FNBP4: variants seen among roughly 807,000 people sequenced by gnomAD.
FNBP4 encodes formin binding protein 4, also known as formin-binding protein 4.
In FNBP4, 34 loss-of-function variants were observed where a neutral mutation model predicts 119.3. The observed-to-expected ratio is 0.28, with a 90% CI of 0.22 to 0.38. The LOEUF is 0.38. Ranked by LOEUF, FNBP4 falls within the 10% of genes least tolerant of loss-of-function variation. FNBP4 has a pLI of 1.00. For synonymous variants in FNBP4, 462 were observed against 430.6 expected, an observed-to-expected ratio of 1.07 and a Z score of -0.90; for missense variants, 1,112 against 1,228.9, an observed-to-expected ratio of 0.90 and a Z score of 1.42.
At chr11:47,758,995 T>TG (rs1360336804) in intron 2 of FNBP4, among the ~76,000 whole-genome samples, 5 of 150,724 alleles carry the variant, frequency 3.3e-5, no homozygotes, top group African/African-American at 4.9e-5. Flanking sequence ...CTCAGCTCAG[T>TG]GCAACCTCCG....
At chr11:47,766,774 C>T (rs1174783853) in intron 1 of FNBP4, among the ~76,000 whole-genome samples, 1 of 152,256 alleles carries the variant, frequency 6.6e-6, no homozygotes, top group African/African-American at 2.4e-5. Flanking sequence ...TACCCAAAAC[C>T]GACCCGGGGC....
Position 47,724,680 on chromosome 11 carries a change from G to A in FNBP4, c.2107C>T (p.Leu703Phe). The change falls in exon 13 of 17, where the codon CTT (leucine) becomes TTT (phenylalanine). Residue 703 changes from leucine to phenylalanine, a missense_variant. By Grantham distance (22) the Leu-to-Phe change is conservative (BLOSUM62 0). This residue lies in a region of FNBP4 where 826 missense variants were observed against 988.8 expected (regional missense o/e 0.84). Coordinates refer to ENST00000263773, the MANE Select transcript of FNBP4 (RefSeq NM_015308.5). ...ATTTCCAAGGGTAATGGAGGTTGAA[G>A]CACAGGAACATTTGACTGAAGGAGG... ...WTLLQSNVPV[L>F]QPPLPLEMPP... is the part of the protein sequence containing the mutation. The A allele has an allele frequency of 1.2e-6, 2 of 1,614,072 alleles. No individual in the cohort carries two copies. The highest frequency in any genetic ancestry group is 1.7e-6 in the Non-Finnish European group (2 of 1,179,984).
At chr11:47,758,655 A>G (rs2135267172) in intron 2 of FNBP4, among the ~76,000 whole-genome samples, 1 of 151,982 alleles carries the variant, frequency 6.6e-6, no homozygotes, top group East Asian at 2.0e-4. Flanking sequence ...ACGAGGTCAG[A>G]TCAAGACTAT....
intron 2 of FNBP4, among the ~76,000 whole-genome samples, chr11:47,756,268 A>G (rs565664040): frequency 6.6e-6 from 1 of 152,328 alleles, no homozygotes; most frequent in Non-Finnish European, 1.5e-5. Flanking sequence ...TGTATTATAA[A>G]CACATAAAAT....
rs2097603402 is a variant in FNBP4, at chr11:47,751,346, T to C, written c.638-56A>G. On this transcript the variant is annotated intron_variant, in intron 4 of 16. Transcript: ENST00000263773. ...TCCCTCTACAATTCTGGCTTACATA[T>C]AAGCTCAAAAGCCAAAATCACCTAA... 4 of 1,600,526 alleles carry C rather than the reference T, an allele frequency of 2.5e-6. No homozygotes were observed. In the Admixed American group the frequency reaches 5.1e-5, roughly 20 times the overall value.
intron 12 of FNBP4, among the ~76,000 whole-genome samples, chr11:47,730,506 T>G (rs182718457): frequency 5.9e-5 from 9 of 152,342 alleles, no homozygotes; most frequent in Admixed American, 5.2e-4. Context: ...AGGGAGCCAG[T>G]AGAGTACAAG....
rs2097586015 is a variant in FNBP4, at chr11:47,744,093, T to G, written c.1316A>C (p.Gln439Pro). The G allele has an allele frequency of 6.2e-7, 1 of 1,614,038 alleles. No homozygotes were observed. Among genetic ancestry groups the G allele is most frequent in the Non-Finnish European group, 8.5e-7 (1 of 1,180,022 alleles). The change falls in exon 8 of 17, where the codon CAG becomes CCG. Residue 439 changes from glutamine to proline, a missense_variant. Physicochemically the swap from Gln to Pro is moderately conservative, Grantham distance 76. Transcript: ENST00000263773. ...SGSSPRSDISQPASQDGMRRL... is the reference protein window; with the variant it reads ...SGSSPRSDISPPASQDGMRRL... ...ACGCATTCCATCTTGAGATGCTGGC[T>G]GGCTGATATCAGAACGTGGACTAGA... is the stretch of plus-strand genomic sequence containing the variant.
At position 47,751,289 on chromosome 11, in the gene FNBP4, G is replaced by C; in HGVS notation, c.639C>G (p.Val213=). ...CCTGCCAATCGCCCATCTCAATTCC[G>C]ACTAGAAGATAAAACAAATTTTAAG... ...QYDTQCSLAG[V]GIEMGDWQEV... The change falls in exon 5 of 17, where the codon GTC becomes GTG. Residue 213 remains valine, a splice_region_variant and synonymous_variant. Transcript: ENST00000263773. The C allele has an allele frequency of 1.2e-6, 2 of 1,613,696 alleles. No homozygotes were observed. The highest frequency in any genetic ancestry group is 1.7e-6 in the Non-Finnish European group (2 of 1,179,886).
chr11:47,719,919 T>C lies in FNBP4; in HGVS notation c.2963+10A>G. 1 of 1,613,388 alleles carries C rather than the reference T, an allele frequency of 6.2e-7. No homozygotes were observed. Among genetic ancestry groups the C allele is most frequent in the Non-Finnish European group, 8.5e-7 (1 of 1,179,684 alleles). On this transcript the variant is annotated intron_variant, in intron 16 of 16. Coordinates refer to ENST00000263773, the MANE Select transcript of FNBP4 (RefSeq NM_015308.5). The stretch of plus-strand genomic sequence containing the variant: ...AAACCCCATCTCATCTGTGTTTCCT[T>C]TTCTTTTACCTAACCAGCTGCTGCT...
At chr11:47,729,624 C>A in intron 12 of FNBP4, 1 of 948,540 alleles carries the variant, frequency 1.1e-6, no homozygotes, top group Non-Finnish European at 1.3e-6. Flanking sequence ...ATCTTCCCAC[C>A]TCAACCTCCC....
intron 6 of FNBP4, 22 bp downstream of exon 6, chr11:47,750,894 T>C (rs760953564): frequency 5.0e-6 from 8 of 1,612,310 alleles, no homozygotes; most frequent in Non-Finnish European, 6.8e-6. Flanking sequence ...AATAAACAAA[T>C]GAGGTAAGTT....
intron 1 of FNBP4, 45 bp downstream of exon 1, chr11:47,767,024 C>T (rs938117424): frequency 5.3e-6 from 8 of 1,509,794 alleles, no homozygotes; most frequent in South Asian, 1.2e-5. Context: ...GGAGCCTAGG[C>T]CGCAAGCCCT....
chr11:47,743,902 C>G, intron 8 of FNBP4, 51 bp downstream of exon 8: 1,685 of 1,285,072 alleles, frequency 1.3e-3, no homozygotes, highest in Non-Finnish European at 1.7e-3. Context: ...CAAGAGTTTC[C>G]TTCCCCTCTA....
At chr11:47,725,929 A>C (rs2097560458) in intron 12 of FNBP4, 1 of 292,688 alleles carries the variant, frequency 3.4e-6, no homozygotes, top group Non-Finnish European at 5.1e-6. Context: ...GCAGGAACTA[A>C]CTTGCCCAAG....
intron 12 of FNBP4, among the ~76,000 whole-genome samples, chr11:47,731,007 A>AT (rs771472982): frequency 2.7e-4 from 41 of 152,348 alleles, no homozygotes; most frequent in Non-Finnish European, 5.0e-4. Context: ...TTGTATAGAA[A>AT]TGTATAACAA....
chr11:47,766,126 C>A (rs547769166), intron 1 of FNBP4, among the ~76,000 whole-genome samples: 1 of 151,844 alleles, frequency 6.6e-6, no homozygotes, highest in African/African-American at 2.4e-5. Flanking sequence ...GAGACCAGCC[C>A]GGGAAACATG....
intron 16 of FNBP4, among the ~76,000 whole-genome samples, chr11:47,719,576 ATGTGTGTGTGTGTG>A (rs66711141): frequency 0.12 from 17,026 of 147,766 alleles, 1,025 homozygotes; most frequent in Non-Finnish European, 0.14. Context: ...TTATGTGTGT[ATGTGTGTGTGTGTG>A]TGTGTGTGTG....
At chr11:47,738,585 T>A (rs550592234) in intron 8 of FNBP4, among the ~76,000 whole-genome samples, 1 of 152,234 alleles carries the variant, frequency 6.6e-6, no homozygotes, top group African/African-American at 2.4e-5. Flanking sequence ...CATAATTTTT[T>A]AAAAAGCCAA....
chr11:47,751,327 T>G, intron 4 of FNBP4, 37 bp from the exon 5 acceptor site: 1 of 1,611,760 alleles, frequency 6.2e-7, no homozygotes, highest in Admixed American at 1.7e-5. Context: ...CAAATCCCTC[T>G]ACAATTCTGG....
Sources: allele counts gnomAD v4.1 joint callset (sites outside exome capture counted in the v4.1 genomes callset), GRCh38; gene constraint gnomAD v4.1.1; regional missense constraint gnomAD v4.1.1; transcripts MANE v1.5; gene names NCBI Gene and HGNC (gene_info 2026-07-23, HGNC 2026-07-21).